The following SLC38A1 variants were observed in gnomAD, a reference collection of about 807,000 sequenced individuals.
SLC38A1 encodes solute carrier family 38 member 1.
SLC38A1 carries 18 observed loss-of-function variants against 60.3 expected under a neutral mutation model. The ratio of observed to expected loss-of-function variants is 0.30; its 90% confidence interval spans 0.21 to 0.44. The LOEUF (loss-of-function observed/expected upper bound fraction) is 0.44. Among genes scored for constraint, SLC38A1 ranks in the 20% least tolerant of loss-of-function variants. SLC38A1 has a pLI of 1.00. For synonymous variants in SLC38A1, 196 were observed against 212.1 expected, an observed-to-expected ratio of 0.92 and a Z score of 0.66; for missense variants, 448 against 587.2, an observed-to-expected ratio of 0.76 and a Z score of 2.45.
At chr12:46,260,984 C>T (rs1025998051) in intron 1 of SLC38A1, among the ~76,000 whole-genome samples, 7 of 152,156 alleles carry the variant, frequency 4.6e-5, no homozygotes, top group Non-Finnish European at 7.3e-5. Flanking sequence ...ATCTCTAGAA[C>T]CTCAGACAGC....
rs192223959 is a variant in SLC38A1 at position 46,255,313 on chromosome 12, T to C, written c.-208-11999A>G. Among the ~76,000 whole-genome samples the C allele has an allele frequency of 1.6e-4, 25 of 152,372 alleles. 1 individual carries two copies. In the East Asian group the frequency reaches 4.4e-3, roughly 27 times the overall value. ...TAATTTTATGTAACAATTATAATTATTAATAACATACAGATCATGAGAAGG... is the reference window on the plus strand; with the variant it reads ...TAATTTTATGTAACAATTATAATTACTAATAACATACAGATCATGAGAAGG... On this transcript the variant is annotated intron_variant, in intron 1 of 16. Coordinates refer to ENST00000398637, the MANE Select transcript of SLC38A1 (RefSeq NM_030674.4).
At chr12:46,216,958 T>C (rs570497563) in intron 5 of SLC38A1, among the ~76,000 whole-genome samples, 10 of 152,282 alleles carry the variant, frequency 6.6e-5, no homozygotes, top group African/African-American at 1.9e-4. Flanking sequence ...CCTAAATTCA[T>C]ATGAAAATGT....
intron 1 of SLC38A1, among the ~76,000 whole-genome samples, chr12:46,261,644 C>G (rs2139007664): frequency 6.6e-6 from 1 of 152,294 alleles, no homozygotes; most frequent in Non-Finnish European, 1.5e-5. Flanking sequence ...ACCACCTGAT[C>G]TCCTTTACAT....
intron 9 of SLC38A1, among the ~76,000 whole-genome samples, chr12:46,205,858 C>A (rs1339346100): frequency 6.6e-6 from 1 of 152,150 alleles, no homozygotes; most frequent in African/African-American, 2.4e-5. Context: ...GACCTCCCTT[C>A]TCCCCTCCAC....
chr12:46,218,833 T>C (rs1008167875), intron 5 of SLC38A1, among the ~76,000 whole-genome samples: 8 of 152,022 alleles, frequency 5.3e-5, no homozygotes, highest in Admixed American at 2.0e-4. Flanking sequence ...TATGAAATCA[T>C]AGGGGGGTGA....
At chr12:46,217,438 T>C (rs1940463369) in intron 5 of SLC38A1, among the ~76,000 whole-genome samples, 1 of 152,226 alleles carries the variant, frequency 6.6e-6, no homozygotes. Context: ...AGAGAGACTT[T>C]GCGTGTTTTC....
At chr12:46,206,030 T>C in intron 9 of SLC38A1, 50 bp downstream of exon 9, 4 of 1,115,736 alleles carry the variant, frequency 3.6e-6, no homozygotes, top group Non-Finnish European at 5.4e-6. Flanking sequence ...ATTCAGTTTC[T>C]GATTCACTTG....
rs1384686041 is a variant in SLC38A1 at position 46,183,771 on chromosome 12, T to C, written c.*5199A>G. 6.6e-6 allele frequency: 1 copy of C among 152,176 alleles called. No individual in the cohort carries two copies. Among genetic ancestry groups the C allele is most frequent in the African/African-American group, 2.4e-5 (1 of 41,460 alleles). The allele number at this position is 152,176 out of a possible 1,614,324, so 9.4% of individuals were successfully genotyped here. On this transcript the variant is annotated 3_prime_UTR_variant, in exon 17 of 17. Coordinates refer to ENST00000398637, the MANE Select transcript of SLC38A1 (RefSeq NM_030674.4). ...TTGATCTTAATGCCAGCATAAGAAA[T>C]CAAGGGAACTATTTCTCAGACATTT... is the stretch of plus-strand genomic sequence containing the variant.
At chr12:46,259,052 C>CA (rs1358709481) in intron 1 of SLC38A1, among the ~76,000 whole-genome samples, 1 of 152,080 alleles carries the variant, frequency 6.6e-6, no homozygotes, top group Admixed American at 6.6e-5. Context: ...GCTCTTGCCA[C>CA]AAAAAAGAAG....
intron 5 of SLC38A1, among the ~76,000 whole-genome samples, chr12:46,223,830 AAAT>A (rs923962146): frequency 1.3e-5 from 2 of 152,202 alleles, no homozygotes; most frequent in African/African-American, 4.8e-5. Flanking sequence ...ATTAAAATAA[AAAT>A]AATAATACAT....
chr12:46,216,533 T>G (rs527605255), intron 5 of SLC38A1, among the ~76,000 whole-genome samples: 20 of 152,068 alleles, frequency 1.3e-4, no homozygotes, highest in Non-Finnish European at 2.8e-4. Flanking sequence ...ATGGAAGACT[T>G]AAGTGGTGAG....
At chr12:46,206,392 C>T (rs1371824301) in intron 8 of SLC38A1, among the ~76,000 whole-genome samples, 3 of 144,274 alleles carry the variant, frequency 2.1e-5, no homozygotes, top group African/African-American at 5.3e-5. Context: ...TTTTTTTTTT[C>T]CCATTGGCTA....
At chr12:46,196,394 G>A in intron 16 of SLC38A1, 1 of 1,355,684 alleles carries the variant, frequency 7.4e-7, no homozygotes. Flanking sequence ...AATGCCATTT[G>A]GAAGACCCTA....
chr12:46,264,900 C>T (rs1942306101), intron 1 of SLC38A1, among the ~76,000 whole-genome samples: 1 of 152,194 alleles, frequency 6.6e-6, no homozygotes, highest in Admixed American at 6.5e-5. Context: ...CCTACCTCCT[C>T]ACCACCTTTC....
intron 16 of SLC38A1, chr12:46,196,026 T>C: frequency 1.1e-6 from 1 of 933,698 alleles, no homozygotes; most frequent in South Asian, 1.5e-5. Flanking sequence ...ATCACCCATC[T>C]TCTACATCGA....
At chr12:46,250,566 C>T (rs2138657030) in intron 1 of SLC38A1, among the ~76,000 whole-genome samples, 2 of 152,306 alleles carry the variant, frequency 1.3e-5, no homozygotes, top group South Asian at 4.1e-4. Context: ...TTGCAGATGA[C>T]ATGATTGTAT....
chr12:46,228,490 G>A lies in SLC38A1; in HGVS notation c.314+663C>T, dbSNP rs370906026. 5.4e-4 allele frequency among the ~76,000 whole-genome samples: 82 copies of A among 152,274 alleles called. 2 individuals carry two copies. The South Asian group carries it at 0.016, about 30-fold the overall frequency. ...CTCCCTCACCTCACCACTGACACTC[G>A]TGTGACATTTGAGAGGGAATCAGGC... On this transcript the variant is annotated intron_variant, in intron 5 of 16. Coordinates refer to ENST00000398637, the MANE Select transcript of SLC38A1 (RefSeq NM_030674.4).
At chr12:46,252,772 T>C (rs1295026128) in intron 1 of SLC38A1, among the ~76,000 whole-genome samples, 1 of 151,990 alleles carries the variant, frequency 6.6e-6, no homozygotes, top group Non-Finnish European at 1.5e-5. Context: ...TGCAGCATTA[T>C]TCACAATAGC....
chr12:46,223,423 C>T (rs1307548135), intron 5 of SLC38A1, among the ~76,000 whole-genome samples: 1 of 150,908 alleles, frequency 6.6e-6, no homozygotes, highest in Non-Finnish European at 1.5e-5. Context: ...ACTACTATCA[C>T]TCTCTCCATC....
Sources: allele counts gnomAD v4.1 joint callset (sites outside exome capture counted in the v4.1 genomes callset), GRCh38; gene constraint gnomAD v4.1.1; transcripts MANE v1.5; gene names NCBI Gene and HGNC (gene_info 2026-07-23, HGNC 2026-07-21).